TBC1D12: variants seen among roughly 807,000 people sequenced by gnomAD.
The protein encoded by TBC1D12 is TBC1 domain family member 12, also known as TBC1 domain family, member 12.
Under a neutral mutation model 86.7 loss-of-function variants are expected in TBC1D12, and 56 were observed. The observed-to-expected ratio is 0.65, with a 90% CI of 0.52 to 0.81. The LOEUF is 0.81. TBC1D12 is among the 30% of genes least tolerant of loss of function. TBC1D12 has a pLI of 0.00. For missense variants in TBC1D12, 1,023 were observed against 1,038.8 expected (o/e 0.98, Z 0.21); for synonymous variants, 421 against 411.7 (o/e 1.02, Z -0.27).
At chr10:94,494,796 G>A (rs56735703) in intron 4 of TBC1D12, among the ~76,000 whole-genome samples, 3,335 of 152,098 alleles carry the variant, frequency 0.022, 124 homozygotes, top group African/African-American at 0.074. Flanking sequence ...CACCCACCTC[G>A]GCCTCCCAAA....
chr10:94,521,221 C>CAAA (rs1294257279), intron 9 of TBC1D12, among the ~76,000 whole-genome samples: 4 of 48,560 alleles, frequency 8.2e-5, no homozygotes, highest in Admixed American at 2.2e-4. Context: ...AAAAAGAAAC[C>CAAA]AAAAAAAAAA....
intron 1 of TBC1D12, among the ~76,000 whole-genome samples, chr10:94,408,656 G>C (rs957409101): frequency 6.6e-6 from 1 of 152,056 alleles, no homozygotes; most frequent in Non-Finnish European, 1.5e-5. Context: ...CCATCTGACT[G>C]AGCCATCATA....
At chr10:94,525,989 A>T (rs1259641795) in intron 11 of TBC1D12, among the ~76,000 whole-genome samples, 1 of 152,168 alleles carries the variant, frequency 6.6e-6, no homozygotes, top group African/African-American at 2.4e-5. Context: ...ACCATATGTT[A>T]ACTATAGTTA....
intron 1 of TBC1D12, among the ~76,000 whole-genome samples, chr10:94,439,395 G>C (rs1244059857): frequency 6.6e-6 from 1 of 152,174 alleles, no homozygotes; most frequent in African/African-American, 2.4e-5. Flanking sequence ...AATATGACTT[G>C]ATGAGAACTG....
intron 2 of TBC1D12, among the ~76,000 whole-genome samples, chr10:94,460,043 G>T (rs994157133): frequency 5.3e-5 from 8 of 152,018 alleles, no homozygotes; most frequent in African/African-American, 1.9e-4. Context: ...CCAGCACGTT[G>T]TCATCTCTCA....
At chr10:94,462,767 C>G (rs2055749262) in intron 2 of TBC1D12, among the ~76,000 whole-genome samples, 1 of 152,070 alleles carries the variant, frequency 6.6e-6, no homozygotes, top group African/African-American at 2.4e-5. Flanking sequence ...ATCTCTCTTG[C>G]ATTCCTGATT....
At chr10:94,419,049 A>G (rs1343670813) in intron 1 of TBC1D12, among the ~76,000 whole-genome samples, 1 of 151,344 alleles carries the variant, frequency 6.6e-6, no homozygotes, top group African/African-American at 2.4e-5. Context: ...TATTTTTTGT[A>G]TTTTTAGTAG....
intron 3 of TBC1D12, among the ~76,000 whole-genome samples, chr10:94,485,743 G>A (rs1483547176): frequency 6.6e-6 from 1 of 151,896 alleles, no homozygotes; most frequent in Non-Finnish European, 1.5e-5. Context: ...TTCTTTACTG[G>A]TAGACTTTTA....
chr10:94,434,717 G>A (rs1158906761), intron 1 of TBC1D12, among the ~76,000 whole-genome samples: 2 of 151,988 alleles, frequency 1.3e-5, no homozygotes, highest in Non-Finnish European at 1.5e-5. Context: ...ACCAGCCTGG[G>A]AAACATAGTG....
intron 1 of TBC1D12, among the ~76,000 whole-genome samples, chr10:94,408,670 A>T (rs1028623469): frequency 6.6e-6 from 1 of 152,186 alleles, no homozygotes; most frequent in Non-Finnish European, 1.5e-5. Flanking sequence ...CATCATAAAC[A>T]TCTCTGTCCT....
chr10:94,447,057 CAAA>C (rs35395527), intron 2 of TBC1D12, among the ~76,000 whole-genome samples: 3 of 100,466 alleles, frequency 3.0e-5, no homozygotes, highest in Non-Finnish European at 6.0e-5. Flanking sequence ...TGAGCTGTTT[CAAA>C]AAAAAAAAAA....
At chr10:94,516,728 T>A (rs1842003592) in intron 9 of TBC1D12, among the ~76,000 whole-genome samples, 1 of 152,064 alleles carries the variant, frequency 6.6e-6, no homozygotes, top group Non-Finnish European at 1.5e-5. Flanking sequence ...TCTCAGTAAC[T>A]CAATTAGATT....
At chr10:94,444,833 G>A (rs1019271776) in intron 2 of TBC1D12, among the ~76,000 whole-genome samples, 12 of 149,618 alleles carry the variant, frequency 8.0e-5, no homozygotes, top group African/African-American at 2.7e-4. Context: ...CCGAGTTCAC[G>A]CCGTTCTCCT....
chr10:94,407,623 A>G (rs111599037), intron 1 of TBC1D12, among the ~76,000 whole-genome samples: 36 of 151,540 alleles, frequency 2.4e-4, no homozygotes, highest in Non-Finnish European at 4.6e-4. Flanking sequence ...GGGAGGTTGC[A>G]GTGAGCTGAG....
intron 1 of TBC1D12, among the ~76,000 whole-genome samples, chr10:94,423,784 C>T (rs1352197816): frequency 4.6e-5 from 7 of 152,114 alleles, no homozygotes; most frequent in South Asian, 2.1e-4. Flanking sequence ...ACTGAGGGCC[C>T]GGATCATAAA....
At chr10:94,501,015 C>T (rs895627130) in intron 6 of TBC1D12, among the ~76,000 whole-genome samples, 5 of 151,826 alleles carry the variant, frequency 3.3e-5, no homozygotes, top group Admixed American at 3.3e-4. Context: ...GAGATCGCGC[C>T]TGTGCACTCC....
intron 2 of TBC1D12, among the ~76,000 whole-genome samples, chr10:94,449,759 C>T (rs536165494): frequency 4.2e-4 from 64 of 152,292 alleles, no homozygotes; most frequent in African/African-American, 1.4e-3. Flanking sequence ...ATATATCAGG[C>T]AATTTTGGCT....
At chr10:94,469,632 T>C (rs370195633) in intron 2 of TBC1D12, among the ~76,000 whole-genome samples, 8 of 152,128 alleles carry the variant, frequency 5.3e-5, no homozygotes, top group African/African-American at 1.9e-4. Context: ...GTATTTTTCA[T>C]AGAGACAGAG....
At chr10:94,428,720 AC>A (rs1203385213) in intron 1 of TBC1D12, among the ~76,000 whole-genome samples, 1 of 150,108 alleles carries the variant, frequency 6.7e-6, no homozygotes, top group Non-Finnish European at 1.5e-5. Context: ...AGGTTCATTG[AC>A]TTTTTTTTGA....
Sources: allele counts gnomAD v4.1 joint callset (sites outside exome capture counted in the v4.1 genomes callset), GRCh38; gene constraint gnomAD v4.1.1; transcripts MANE v1.5; gene names NCBI Gene and HGNC (gene_info 2026-07-23, HGNC 2026-07-21).